Variants in KDM3B observed in about 807,000 individuals in gnomAD.
KDM3B encodes lysine-specific demethylase 3B.
A neutral mutation model predicts 170.0 loss-of-function variants in KDM3B; 10 were observed. That is an observed-to-expected ratio of 0.06 (90% CI 0.04 to 0.10). The LOEUF (loss-of-function observed/expected upper bound fraction) is 0.10, where lower values mean the gene tolerates loss of function less well. Among genes scored for constraint, KDM3B ranks in the 10% least tolerant of loss-of-function variants. KDM3B has a pLI of 1.00. For missense variants in KDM3B, 1,394 were observed against 2,195.2 expected, an observed-to-expected ratio of 0.64 and a Z score of 7.29; for synonymous variants, 831 against 834.8, an observed-to-expected ratio of 1.00 and a Z score of 0.08.
intron 15 of KDM3B, among the ~76,000 whole-genome samples, chr5:138,422,642 AAAAT>A (rs1410679789): frequency 8.5e-5 from 13 of 152,138 alleles, no homozygotes; most frequent in African/African-American, 3.1e-4. Flanking sequence ...CCATCTCAAA[AAAAT>A]AAATAAAATA....
intron 11 of KDM3B, among the ~76,000 whole-genome samples, chr5:138,406,981 A>ATTTTTT (rs745918786): frequency 8.4e-6 from 1 of 119,046 alleles, no homozygotes; most frequent in South Asian, 2.7e-4. Context: ...TATGCCAATA[A>ATTTTTT]TTTTTTTTTT....
rs1427507721 is a variant in KDM3B at position 138,391,824 on chromosome 5, G to A, written c.2192G>A (p.Ser731Asn). 6.8e-6 allele frequency: 11 copies of A among 1,613,978 alleles called. No homozygotes were observed. Among genetic ancestry groups the A allele is most frequent in the Non-Finnish European group, 9.3e-6 (11 of 1,180,032 alleles). ...GGCCGCTCCAGCTCGCCCACCAGCA[G>A]CCTCACTCAGCCCATTGAGATGCCA... ...GNGRSSSPTS[S>N]LTQPIEMPTL... The change falls in exon 8 of 24, where the codon AGC becomes AAC. Residue 731 changes from serine to asparagine, a missense_variant. This residue lies in a region of KDM3B where 294 missense variants were observed against 311.7 expected (regional missense o/e 0.94). Coordinates refer to ENST00000314358, the MANE Select transcript of KDM3B (RefSeq NM_016604.4). The surrounding 1 kb of genome is among the most constrained non-coding windows in gnomAD (Gnocchi z 5.0).
chr5:138,367,053 A>G (rs1029252019), intron 1 of KDM3B, among the ~76,000 whole-genome samples: 3 of 152,180 alleles, frequency 2.0e-5, no homozygotes, highest in Non-Finnish European at 4.4e-5. Flanking sequence ...AGAAGGATGC[A>G]GCTTGTCCTT....
In KDM3B at chr5:138,433,899, C is replaced by A. The variant is rs184110143; in HGVS notation, c.5206-1721C>A. On this transcript the variant is annotated intron_variant, in intron 23 of 23. Transcript: ENST00000314358. ...GGATTACAGGCACGTGTCATCACAC[C>A]GAGCTAATTTTTGTATTTTTAGTAG... 5.5e-3 allele frequency among the ~76,000 whole-genome samples: 827 copies of A among 151,596 alleles called. 6 individuals are homozygous for A. The highest frequency in any genetic ancestry group is 0.019 in the African/African-American group (777 of 41,304).
rs1280638660 is a variant in KDM3B at position 138,391,658 on chromosome 5, G to A, written c.2026G>A (p.Glu676Lys). The stretch of plus-strand genomic sequence containing the variant: ...CTCCAAGGTGGCACCCAGCTGGCCC[G>A]AGTCTCACTCCTCTGCAGATTCGGC... ...VTSKVAPSWPESHSSADSASL... is the reference protein window; with the variant it reads ...VTSKVAPSWPKSHSSADSASL... Residue 676 changes from glutamate (E) to lysine (K), a missense_variant, in exon 8 of 24, where the codon GAG becomes AAG. Transcript: ENST00000314358. The surrounding 1 kb of genome is among the most constrained non-coding windows in gnomAD (Gnocchi z 5.0). The A allele has an allele frequency of 2.5e-6, 4 of 1,614,020 alleles. No homozygotes were observed. The highest frequency in any genetic ancestry group is 2.2e-5 in the East Asian group (1 of 44,878).
In KDM3B at chr5:138,436,889, TGTTC is replaced by T. The variant is rs1763688283; in HGVS notation, c.*1190_*1193del. 1 of 143,554 alleles carries T rather than the reference TGTTC, an allele frequency of 7.0e-6. No homozygotes were observed. The allele number at this position is 143,554 out of a possible 1,614,324, so 8.9% of individuals were successfully genotyped here. On this transcript the variant is annotated 3_prime_UTR_variant, in exon 24 of 24. Transcript: ENST00000314358. Reference sequence around the variant, plus strand: ...TGTAGTGCCCTGCAGGCTGTTTATATGTTCACAGTTACTTTTTTTTTTTTTTTTA... The same window carrying T: ...TGTAGTGCCCTGCAGGCTGTTTATATACAGTTACTTTTTTTTTTTTTTTTA...
intron 2 of KDM3B, among the ~76,000 whole-genome samples, chr5:138,374,614 A>G (rs961487970): frequency 3.3e-5 from 5 of 152,208 alleles, no homozygotes; most frequent in Non-Finnish European, 7.3e-5. Context: ...CTCTTGTATA[A>G]TAAGTGCATG....
In KDM3B at chr5:138,375,209, AT is replaced by A; in HGVS notation, c.474+6del. ...CCAATGGGTTGCATCTGTTTCAGGT[AT>A]TTAACACTTGCTTTAGTCTTGAGCC... On this transcript the variant is annotated splice_donor_region_variant and intron_variant, in intron 3 of 23. Transcript: ENST00000314358. 5.1e-6 allele frequency: 8 copies of A among 1,573,306 alleles called. No individual in the cohort carries two copies. The highest frequency in any genetic ancestry group is 7.0e-6 in the Non-Finnish European group (8 of 1,143,116).
At position 138,387,820 on chromosome 5, in the gene KDM3B, A is replaced by G. The variant is rs146913056; in HGVS notation, c.1380+1199A>G. Among the ~76,000 whole-genome samples the G allele has an allele frequency of 5.5e-3, 835 of 152,218 alleles. 6 individuals are homozygous for G. Among genetic ancestry groups the G allele is most frequent in the African/African-American group, 0.018 (768 of 41,544 alleles). Reference sequence around the variant, plus strand: ...ATGTTGGCCAGGCACAGTAGCTCACACCTGTAATCCCAGCACTTTGGGAGG... The same window carrying G: ...ATGTTGGCCAGGCACAGTAGCTCACGCCTGTAATCCCAGCACTTTGGGAGG... On this transcript the variant is annotated intron_variant, in intron 7 of 23. Coordinates refer to ENST00000314358, the MANE Select transcript of KDM3B (RefSeq NM_016604.4).
chr5:138,396,956 T>G (rs1024978683), intron 9 of KDM3B, among the ~76,000 whole-genome samples: 8 of 152,008 alleles, frequency 5.3e-5, no homozygotes, highest in African/African-American at 1.4e-4. Context: ...AAGGCCGAGG[T>G]GGGCGGATCG....
rs753534916 is a variant in KDM3B, at chr5:138,391,680, C to T, written c.2048C>T (p.Ser683Leu). The T allele has an allele frequency of 9.3e-6, 15 of 1,614,062 alleles. No homozygotes were observed. Among genetic ancestry groups the T allele is most frequent in the Admixed American group, 3.3e-5 (2 of 60,020 alleles). ...CCCGAGTCTCACTCCTCTGCAGATTCGGCATCTTTAGCAAAGAAGAAACCC... is the reference window on the plus strand; with the variant it reads ...CCCGAGTCTCACTCCTCTGCAGATTTGGCATCTTTAGCAAAGAAGAAACCC... ...SWPESHSSAD[S>L]ASLAKKKPLF... is the part of the protein sequence containing the mutation. The change falls in exon 8 of 24, where the codon TCG becomes TTG. Residue 683 changes from serine to leucine, a missense_variant. Ser to Leu is a moderately radical substitution (Grantham distance 145). Transcript: ENST00000314358. The surrounding 1 kb of genome is among the most constrained non-coding windows in gnomAD (Gnocchi z 5.0).
intron 15 of KDM3B, among the ~76,000 whole-genome samples, chr5:138,422,049 C>CT (rs1448264884): frequency 2.0e-5 from 3 of 152,206 alleles, no homozygotes; most frequent in Admixed American, 6.5e-5. Flanking sequence ...AACTACCTCA[C>CT]TTGCTTCATC....
intron 7 of KDM3B, among the ~76,000 whole-genome samples, chr5:138,387,085 T>C (rs1212149479): frequency 8.6e-6 from 1 of 116,958 alleles, no homozygotes; most frequent in Non-Finnish European, 2.1e-5. Flanking sequence ...GCTGAGTTAA[T>C]TTCCATCATT....
intron 12 of KDM3B, among the ~76,000 whole-genome samples, chr5:138,416,640 G>C (rs1763114412): frequency 6.6e-6 from 1 of 150,704 alleles, no homozygotes; most frequent in South Asian, 2.1e-4. Context: ...AAACTTTGCT[G>C]GAGCATCCCC....
intron 8 of KDM3B, among the ~76,000 whole-genome samples, chr5:138,392,495 G>A (rs559656314): frequency 1.3e-5 from 2 of 152,318 alleles, no homozygotes; most frequent in Non-Finnish European, 2.9e-5. Flanking sequence ...TCCCCCAAAG[G>A]AGGACTCTTG....
At chr5:138,413,601 A>G (rs1763028673) in intron 11 of KDM3B, among the ~76,000 whole-genome samples, 3 of 152,142 alleles carry the variant, frequency 2.0e-5, no homozygotes. Flanking sequence ...AGAAAGACCT[A>G]TACATGAATG....
intron 11 of KDM3B, among the ~76,000 whole-genome samples, chr5:138,400,227 G>GTT (rs1186065194): frequency 6.7e-6 from 1 of 148,888 alleles, no homozygotes. Flanking sequence ...TTTTTCCTTG[G>GTT]TTTTTTTTTT....
intron 9 of KDM3B, among the ~76,000 whole-genome samples, chr5:138,395,398 C>G (rs1762521860): frequency 6.6e-6 from 1 of 152,156 alleles, no homozygotes; most frequent in Non-Finnish European, 1.5e-5. Context: ...AGCAGGAAAA[C>G]TAGGCAGTGA....
At chr5:138,388,838 A>G (rs1241857013) in intron 7 of KDM3B, among the ~76,000 whole-genome samples, 1 of 152,160 alleles carries the variant, frequency 6.6e-6, no homozygotes, top group Admixed American at 6.6e-5. Flanking sequence ...AATGTGTAGA[A>G]ATGAATGTTT....
Sources: allele counts gnomAD v4.1 joint callset (sites outside exome capture counted in the v4.1 genomes callset), GRCh38; gene constraint gnomAD v4.1.1; regional missense constraint gnomAD v4.1.1; non-coding constraint Gnocchi (gnomAD v3.1); transcripts MANE v1.5; gene names NCBI Gene and HGNC (gene_info 2026-07-23, HGNC 2026-07-21).